LOC400499: variants seen among roughly 807,000 people sequenced by gnomAD.
the LOC400499 span, among the ~76,000 whole-genome samples, chr16:11,411,887 G>C: frequency 2.0e-5 from 3 of 151,382 alleles, no homozygotes; most frequent in Non-Finnish European, 4.4e-5. Flanking sequence ...ACTAGAGACA[G>C]GGTCTTTCTC....
the LOC400499 span, among the ~76,000 whole-genome samples, chr16:11,458,161 A>G: frequency 6.6e-6 from 1 of 152,234 alleles, no homozygotes; most frequent in Admixed American, 6.5e-5. Context: ...CCTGGCCAAC[A>G]TGGCAAAGCC....
At chr16:11,391,847 G>A in the LOC400499 span, 3 of 1,230,462 alleles carry the variant, frequency 2.4e-6, no homozygotes, top group African/African-American at 4.7e-5. Flanking sequence ...CGTCCAGGGT[G>A]CCTGCCGGCT....
chr16:11,404,072 A>G, the LOC400499 span, among the ~76,000 whole-genome samples: 1 of 152,148 alleles, frequency 6.6e-6, no homozygotes, highest in Non-Finnish European at 1.5e-5. Context: ...GCCTCTGCTC[A>G]GATCTGCCAG....
chr16:11,483,400 G>A, the LOC400499 span, among the ~76,000 whole-genome samples: 3 of 152,058 alleles, frequency 2.0e-5, no homozygotes, highest in Non-Finnish European at 2.9e-5. Context: ...GAAACAGCTC[G>A]AATGTCAATC....
At chr16:11,489,352 C>A in the LOC400499 span, among the ~76,000 whole-genome samples, 2 of 152,210 alleles carry the variant, frequency 1.3e-5, no homozygotes, top group African/African-American at 4.8e-5. Flanking sequence ...AACAAAGTAT[C>A]TTGCAGGGCT....
chr16:11,429,880 A>C, the LOC400499 span, among the ~76,000 whole-genome samples: 1 of 152,254 alleles, frequency 6.6e-6, no homozygotes, highest in African/African-American at 2.4e-5. Flanking sequence ...TGCTAAAACT[A>C]GGAGGGTCAC....
At chr16:11,434,476 T>A in the LOC400499 span, among the ~76,000 whole-genome samples, 2 of 151,754 alleles carry the variant, frequency 1.3e-5, no homozygotes, top group Non-Finnish European at 2.9e-5. Flanking sequence ...ACATGTGGGG[T>A]CTGATGCTAC....
At chr16:11,514,415 C>T in the LOC400499 span, 1 of 399,106 alleles carries the variant, frequency 2.5e-6, no homozygotes, top group Non-Finnish European at 4.4e-6. Flanking sequence ...GGAGAGGGTC[C>T]TCATCTGCAC....
chr16:11,384,333 G>A, the LOC400499 span: 3 of 1,227,742 alleles, frequency 2.4e-6, no homozygotes, highest in Middle Eastern at 3.1e-4. Context: ...TGCCTGTGGG[G>A]AAGAGGGAAG....
chr16:11,488,091 T>C, the LOC400499 span, among the ~76,000 whole-genome samples: 1 of 146,624 alleles, frequency 6.8e-6, no homozygotes, highest in Non-Finnish European at 1.5e-5. Context: ...TACTCCAGCC[T>C]GGGCAATAGG....
At chr16:11,438,013 A>G in the LOC400499 span, among the ~76,000 whole-genome samples, 3 of 152,134 alleles carry the variant, frequency 2.0e-5, no homozygotes, top group African/African-American at 7.2e-5. Context: ...CCCACCCAAG[A>G]TCTTCCACTG....
chr16:11,431,174 T>C, the LOC400499 span: 1 of 399,050 alleles, frequency 2.5e-6, no homozygotes, highest in Non-Finnish European at 4.4e-6. Flanking sequence ...TCAGATGCCT[T>C]GAGGAGCAAC....
the LOC400499 span, among the ~76,000 whole-genome samples, chr16:11,471,036 G>A: frequency 6.6e-6 from 1 of 152,264 alleles, no homozygotes; most frequent in Non-Finnish European, 1.5e-5. Context: ...ACTGCCAAGG[G>A]CCTGTGGGTC....
the LOC400499 span, among the ~76,000 whole-genome samples, chr16:11,475,437 A>C: frequency 1.3e-5 from 2 of 152,246 alleles, no homozygotes; most frequent in African/African-American, 4.8e-5. Context: ...TTTATTTCCA[A>C]GCATGTCCTT....
the LOC400499 span, chr16:11,425,451 G>A: frequency 5.0e-6 from 2 of 399,076 alleles, no homozygotes; most frequent in Admixed American, 8.8e-5. Context: ...GAATGGTGGA[G>A]AAGAACAGAG....
chr16:11,456,900 T>C, the LOC400499 span: 5 of 1,536,194 alleles, frequency 3.3e-6, no homozygotes, highest in Non-Finnish European at 4.4e-6. Context: ...GTCCTTCCAC[T>C]GCCCGCCTGC....
the LOC400499 span, among the ~76,000 whole-genome samples, chr16:11,468,395 C>T: frequency 6.6e-6 from 1 of 152,170 alleles, no homozygotes; most frequent in African/African-American, 2.4e-5. Context: ...AGAAGCATGG[C>T]TCAGTGCAGC....
the LOC400499 span, among the ~76,000 whole-genome samples, chr16:11,389,219 GCCACACCGTTTCATAGGAT>G: frequency 6.6e-6 from 1 of 152,158 alleles, no homozygotes; most frequent in Admixed American, 6.6e-5. Flanking sequence ...GCCAGTCATG[GCCACACCGTTTCATAGGAT>G]CCACCCCCCC....
the LOC400499 span, among the ~76,000 whole-genome samples, chr16:11,458,952 G>C: frequency 4.0e-4 from 61 of 151,688 alleles, 2 homozygotes; most frequent in Non-Finnish European, 4.4e-5. Context: ...CTGGAGAATT[G>C]CATGAACCCA....
Sources: allele counts gnomAD v4.1 joint callset (sites outside exome capture counted in the v4.1 genomes callset), GRCh38; gene constraint gnomAD v4.1.1; transcripts MANE v1.5.